The following MSRA variants were observed in gnomAD, a reference collection of about 807,000 sequenced individuals.
MSRA encodes mitochondrial peptide methionine sulfoxide reductase.
A neutral mutation model predicts 31.3 loss-of-function variants in MSRA; 54 were observed. The ratio of observed to expected loss-of-function variants is 1.73; its 90% CI spans 1.39 to 2.17. MSRA has a LOEUF of 2.17. MSRA is among the 30% of genes most tolerant of loss of function. The pLI is 0.00. For synonymous variants in MSRA, 169 were observed against 116.5 expected, an observed-to-expected ratio of 1.45 and a Z score of -2.90; for missense variants, 507 against 300.9, an observed-to-expected ratio of 1.69 and a Z score of -5.07.
chr8:10,096,582 A>G (rs1207845549), intron 1 of MSRA, among the ~76,000 whole-genome samples: 1 of 152,236 alleles, frequency 6.6e-6, no homozygotes, highest in East Asian at 1.9e-4. Flanking sequence ...ATTAGATTTT[A>G]TAATTAAACG....
chr8:10,348,086 G>A (rs1289335797), intron 5 of MSRA, among the ~76,000 whole-genome samples: 1 of 152,160 alleles, frequency 6.6e-6, no homozygotes, highest in Non-Finnish European at 1.5e-5. Flanking sequence ...CGTTAAGGTG[G>A]GTTCATCCTT....
rs7834799 is a variant in MSRA at position 10,418,197 on chromosome 8, C to T, written c.544-9951C>T. Among the ~76,000 whole-genome samples the T allele has an allele frequency of 3.0e-3, 459 of 152,224 alleles. 3 individuals are homozygous for T. The highest frequency in any genetic ancestry group is 0.01 in the African/African-American group (429 of 41,548). On this transcript the variant is annotated intron_variant, in intron 5 of 5. Transcript: ENST00000317173. ...AAAACCTAACACTTAAGGCTAAATT[C>T]CTTTGGTGGGTGTAGGGGATGGGGA...
chr8:10,227,935 T>C (rs1250271425), intron 2 of MSRA, among the ~76,000 whole-genome samples: 1 of 152,212 alleles, frequency 6.6e-6, no homozygotes, highest in Non-Finnish European at 1.5e-5. Context: ...AGAAGATAAA[T>C]TGAAATGTTT....
intron 1 of MSRA, among the ~76,000 whole-genome samples, chr8:10,098,746 G>T (rs1233592813): frequency 6.6e-6 from 1 of 152,132 alleles, no homozygotes; most frequent in South Asian, 2.1e-4. Context: ...CATTTTATTG[G>T]CCAGAAAACT....
intron 1 of MSRA, among the ~76,000 whole-genome samples, chr8:10,162,500 G>T (rs1428729528): frequency 6.6e-6 from 1 of 152,112 alleles, no homozygotes; most frequent in Non-Finnish European, 1.5e-5. Flanking sequence ...CTGTTCTGAT[G>T]GCACTGATGG....
At chr8:10,121,063 T>TA (rs999861080) in intron 1 of MSRA, among the ~76,000 whole-genome samples, 58 of 152,286 alleles carry the variant, frequency 3.8e-4, no homozygotes, top group African/African-American at 1.3e-3. Flanking sequence ...GGTAGTCACT[T>TA]AAAAAATGCC....
intron 1 of MSRA, among the ~76,000 whole-genome samples, chr8:10,189,873 C>T (rs971549971): frequency 1.3e-5 from 2 of 152,064 alleles, no homozygotes; most frequent in African/African-American, 4.8e-5. Flanking sequence ...CCTCTTTTTT[C>T]AAGGCGTTTA....
chr8:10,332,121 C>T (rs539108020), intron 5 of MSRA, among the ~76,000 whole-genome samples: 1 of 152,256 alleles, frequency 6.6e-6, no homozygotes, highest in East Asian at 1.9e-4. Context: ...TTATCTGTTT[C>T]TTTGTTCCCA....
intron 1 of MSRA, among the ~76,000 whole-genome samples, chr8:10,187,633 C>A (rs1807165629): frequency 6.6e-6 from 1 of 152,198 alleles, no homozygotes; most frequent in African/African-American, 2.4e-5. Context: ...GGCATGACTT[C>A]CTGGTTTGTA....
chr8:10,411,065 G>C (rs1019940335), intron 5 of MSRA: 1 of 151,756 alleles, frequency 6.6e-6, no homozygotes. Context: ...AGCTTAAACA[G>C]CCCGAATGAG....
chr8:10,396,012 C>G (rs1305444177), intron 5 of MSRA, among the ~76,000 whole-genome samples: 1 of 152,198 alleles, frequency 6.6e-6, no homozygotes, highest in African/African-American at 2.4e-5. Flanking sequence ...GGCTCCATTT[C>G]TGTTGGAATT....
chr8:10,318,035 T>G (rs17151731), intron 4 of MSRA, among the ~76,000 whole-genome samples: 32,085 of 152,144 alleles, frequency 0.21, 4,587 homozygotes, highest in East Asian at 0.67. Flanking sequence ...AAGCTTGTTC[T>G]TATTTCTGGG....
chr8:10,241,754 C>A (rs918897813), intron 2 of MSRA, among the ~76,000 whole-genome samples: 2 of 150,294 alleles, frequency 1.3e-5, no homozygotes, highest in African/African-American at 4.8e-5. Context: ...CATAGCCCCA[C>A]CTCTAGTCTT....
intron 2 of MSRA, among the ~76,000 whole-genome samples, chr8:10,219,550 C>G (rs1013899667): frequency 6.6e-6 from 1 of 151,988 alleles, no homozygotes; most frequent in East Asian, 1.9e-4. Context: ...TGGCTCACAC[C>G]TGTAATCCCA....
intron 5 of MSRA, among the ~76,000 whole-genome samples, chr8:10,321,961 G>T (rs368462930): frequency 1.3e-5 from 2 of 152,192 alleles, no homozygotes; most frequent in African/African-American, 4.8e-5. Flanking sequence ...AAGTTTTAGA[G>T]TAATTTAAGT....
intron 4 of MSRA, among the ~76,000 whole-genome samples, chr8:10,314,126 A>G (rs888214911): frequency 6.6e-6 from 1 of 152,212 alleles, no homozygotes; most frequent in African/African-American, 2.4e-5. Context: ...ACTAACCGTA[A>G]AGGAAAAATA....
chr8:10,360,441 G>T (rs1804779789), intron 5 of MSRA, among the ~76,000 whole-genome samples: 1 of 152,198 alleles, frequency 6.6e-6, no homozygotes, highest in South Asian at 2.1e-4. Flanking sequence ...TTGTCTGTGA[G>T]TTGTTGCTTA....
At chr8:10,207,267 C>T (rs1211957769) in intron 1 of MSRA, among the ~76,000 whole-genome samples, 2 of 152,164 alleles carry the variant, frequency 1.3e-5, no homozygotes, top group African/African-American at 4.8e-5. Flanking sequence ...CTGTAGGAGG[C>T]ACTGGAATAT....
chr8:10,248,749 G>A (rs2952220), intron 3 of MSRA, among the ~76,000 whole-genome samples: 1 of 152,216 alleles, frequency 6.6e-6, no homozygotes, highest in Non-Finnish European at 1.5e-5. Flanking sequence ...GAGGAGGTGT[G>A]CCCATCGTGG....
Sources: gnomAD v4.1 joint callset for allele counts (sites outside exome capture counted in the v4.1 genomes callset) on GRCh38, gnomAD v4.1.1 for gene constraint, MANE v1.5 for transcripts, NCBI Gene and HGNC (gene_info 2026-07-23, HGNC 2026-07-21) for gene names.